Variants in TNFRSF10D observed in about 807,000 individuals in gnomAD.
The protein encoded by TNFRSF10D is TNF receptor superfamily member 10d.
Under a neutral mutation model 42.1 loss-of-function variants are expected in TNFRSF10D, and 28 were observed. The ratio of observed to expected loss-of-function variants is 0.66; its 90% confidence interval spans 0.49 to 0.91. The LOEUF is 0.91. Among genes scored for constraint, TNFRSF10D ranks in the 40% least tolerant of loss-of-function variants. TNFRSF10D has a pLI of 0.00. For missense variants in TNFRSF10D, 503 were observed against 486.1 expected, an observed-to-expected ratio of 1.03 and a Z score of -0.33; for synonymous variants, 186 against 189.4, an observed-to-expected ratio of 0.98 and a Z score of 0.15.
chr8:23,138,185 T>C lies in TNFRSF10D; in HGVS notation c.1027+3A>G. The C allele has an allele frequency of 6.2e-7, 1 of 1,614,176 alleles. No individual in the cohort carries two copies. The highest frequency in any genetic ancestry group is 8.5e-7 in the Non-Finnish European group (1 of 1,180,030). On this transcript the variant is annotated splice_donor_region_variant and intron_variant, in intron 8 of 8. Transcript: ENST00000312584. ...GCTGCGTCTCAAGGCACAAAACACT[T>C]ACTGTCAGCGGAGTCAGCGTCATTC...
At chr8:23,141,828 G>A (rs992605238) in intron 7 of TNFRSF10D, among the ~76,000 whole-genome samples, 6 of 152,170 alleles carry the variant, frequency 3.9e-5, no homozygotes, top group African/African-American at 9.7e-5. Flanking sequence ...AAATGCTGGC[G>A]AGACTATGAA....
chr8:23,161,220 C>A (rs112441185), intron 1 of TNFRSF10D, among the ~76,000 whole-genome samples: 793 of 152,042 alleles, frequency 5.2e-3, no homozygotes, highest in African/African-American at 0.016. Flanking sequence ...GCTGGGGCCA[C>A]ACCAGTGTCA....
rs1346851973 is a variant in TNFRSF10D at position 23,140,135 on chromosome 8, A to G, written c.955-1875T>C. 4.6e-5 allele frequency among the ~76,000 whole-genome samples: 7 copies of G among 152,156 alleles called. No individual in the cohort carries two copies. In the South Asian group the frequency reaches 6.2e-4, roughly 14 times the overall value. ...AAACCCCACCTCTACTAAAAATACA[A>G]AAAACTAACCAGGCGTGGCAGTGTG... is the stretch of plus-strand genomic sequence containing the variant. On this transcript the variant is annotated intron_variant, in intron 7 of 8. Transcript: ENST00000312584.
rs544832931 is a variant in TNFRSF10D, at chr8:23,154,184, G to A, written c.256+690C>T. 2.0e-5 allele frequency among the ~76,000 whole-genome samples: 3 copies of A among 152,330 alleles called. No homozygotes were observed. The East Asian group carries it at 5.8e-4, about 29-fold the overall frequency. On this transcript the variant is annotated intron_variant, in intron 2 of 8. Coordinates refer to ENST00000312584, the MANE Select transcript of TNFRSF10D (RefSeq NM_003840.5). ...TAAAACTTGATCTCATAGAGGTAGA[G>A]AGTAGAATGGTGATTACCAGCGCTG...
rs774157493 is a variant in TNFRSF10D, at chr8:23,148,487, A to G, written c.321T>C (p.Ile107=). ...GGCAAGAAGGCAAATTGTTGGAAGCAATGGTGTAATCCACACCCTCTGTGC... is the reference window on the plus strand; with the variant it reads ...GGCAAGAAGGCAAATTGTTGGAAGCGATGGTGTAATCCACACCCTCTGTGC... ...NPCTEGVDYT[I]ASNNLPSCLL... Residue 107 remains isoleucine (I), a synonymous_variant, in exon 3 of 9, where the codon ATT becomes ATC. Coordinates refer to ENST00000312584, the MANE Select transcript of TNFRSF10D (RefSeq NM_003840.5). The G allele has an allele frequency of 3.7e-5, 59 of 1,611,062 alleles. 2 individuals are homozygous for G. In the Admixed American group the frequency reaches 9.0e-4, roughly 25 times the overall value.
chr8:23,146,975 C>T lies in TNFRSF10D; in HGVS notation c.468G>A (p.Arg156=). The change falls in exon 4 of 9, where the codon CGG becomes CGA. Residue 156 remains arginine (R), a synonymous_variant. Coordinates refer to ENST00000312584, the MANE Select transcript of TNFRSF10D (RefSeq NM_003840.5). ...FQDKNSPEMC[R]TCRTGCPRGM... ...TGCTGTCTTACCCTGTTCTACACGT[C>T]CGGCACATCTCAGGGGAGTTTTTAT... 1 of 1,614,118 alleles carries T rather than the reference C, an allele frequency of 6.2e-7. No individual in the cohort carries two copies. The highest frequency in any genetic ancestry group is 2.2e-5 in the East Asian group (1 of 44,890).
At chr8:23,154,560 A>AT (rs2128838851) in intron 2 of TNFRSF10D, among the ~76,000 whole-genome samples, 1 of 152,046 alleles carries the variant, frequency 6.6e-6, no homozygotes, top group East Asian at 1.9e-4. Flanking sequence ...CATTTTCATT[A>AT]TTTTTTCCAC....
At chr8:23,146,031 A>T in intron 4 of TNFRSF10D, 110 bp from the exon 5 acceptor site, 1 of 1,481,760 alleles carries the variant, frequency 6.7e-7, no homozygotes, top group Non-Finnish European at 9.3e-7. Context: ...CGTCAGGAGG[A>T]CAGGCTCCTC....
intron 7 of TNFRSF10D, among the ~76,000 whole-genome samples, chr8:23,141,504 C>CA (rs59373667): frequency 0.38 from 51,015 of 133,060 alleles, 9,857 homozygotes; most frequent in East Asian, 0.81. Flanking sequence ...GAGTACATCT[C>CA]AAAAAAAAAA....
intron 1 of TNFRSF10D, among the ~76,000 whole-genome samples, chr8:23,157,759 G>T (rs1180873007): frequency 6.6e-6 from 1 of 152,056 alleles, no homozygotes; most frequent in East Asian, 1.9e-4. Context: ...TAACTACAAG[G>T]GTCCCTTTTG....
chr8:23,148,066 C>CAAAAAAA (rs35108037), intron 3 of TNFRSF10D, among the ~76,000 whole-genome samples: 1 of 49,528 alleles, frequency 2.0e-5, no homozygotes, highest in Admixed American at 2.6e-4. Flanking sequence ...CTCCGTCTCC[C>CAAAAAAA]AAAAAAAAAA....
chr8:23,147,886 C>A (rs1176871351), intron 3 of TNFRSF10D, among the ~76,000 whole-genome samples: 1 of 151,848 alleles, frequency 6.6e-6, no homozygotes, highest in Admixed American at 6.6e-5. Flanking sequence ...CACGGTGAAA[C>A]CCCGTCTCTA....
rs1208060290 is a variant in TNFRSF10D, at chr8:23,135,725, T to G, written c.*2145A>C. ...AACCAACGCCAAAAAACCCCAACAATTTCATGTTGTCAGGAAGCTTATGTT... is the reference window on the plus strand; with the variant it reads ...AACCAACGCCAAAAAACCCCAACAAGTTCATGTTGTCAGGAAGCTTATGTT... On this transcript the variant is annotated 3_prime_UTR_variant, in exon 9 of 9. Coordinates refer to ENST00000312584, the MANE Select transcript of TNFRSF10D (RefSeq NM_003840.5). 3.4e-6 allele frequency: 1 copy of G among 293,050 alleles called. No individual in the cohort carries two copies. The highest frequency in any genetic ancestry group is 6.8e-6 in the Non-Finnish European group (1 of 147,008). 18.2% of individuals were successfully genotyped at this position (293,050 alleles called of 1,614,324 possible). A position where few individuals can be genotyped will look rare whatever the true frequency, so the allele number is the denominator to read the frequency against.
At chr8:23,147,178 G>A in intron 3 of TNFRSF10D, 106 bp from the exon 4 acceptor site, 2 of 909,658 alleles carry the variant, frequency 2.2e-6, no homozygotes, top group Non-Finnish European at 3.5e-6. Flanking sequence ...GTTCACCAAG[G>A]AGTTCTGAGG....
At chr8:23,149,621 T>C (rs959495248) in intron 2 of TNFRSF10D, among the ~76,000 whole-genome samples, 1 of 151,988 alleles carries the variant, frequency 6.6e-6, no homozygotes, top group African/African-American at 2.4e-5. Flanking sequence ...CTGCCCATGC[T>C]GGTCCACCTG....
In TNFRSF10D at chr8:23,138,031, TCAA is replaced by T. The variant is rs776482813; in HGVS notation, c.1028-31_1028-29del. ...GAGAAGAGAGAAGAGATTTAGGGTCTCAATGCTCCAAGGACGATCAGCACAGGA... is the reference window on the plus strand; with the variant it reads ...GAGAAGAGAGAAGAGATTTAGGGTCTTGCTCCAAGGACGATCAGCACAGGA... On this transcript the variant is annotated intron_variant, in intron 8 of 8. Transcript: ENST00000312584. The T allele has an allele frequency of 1.5e-3, 2,378 of 1,612,224 alleles. No individual in the cohort carries two copies. The African/African-American group carries it at 0.018, about 12-fold the overall frequency.
intron 1 of TNFRSF10D, among the ~76,000 whole-genome samples, chr8:23,156,405 T>A (rs1800280495): frequency 6.6e-6 from 1 of 152,210 alleles, no homozygotes; most frequent in Non-Finnish European, 1.5e-5. Flanking sequence ...CATGAAAGCC[T>A]GCCTAGTAGT....
At position 23,153,998 on chromosome 8, in the gene TNFRSF10D, G is replaced by C. The variant is rs74481594; in HGVS notation, c.256+876C>G. On this transcript the variant is annotated intron_variant, in intron 2 of 8. Transcript: ENST00000312584. Reference sequence around the variant, plus strand: ...TGTCCATCGATGATGAAAAGGTAAAGAAAATGTAGTACATAGACACAATGG... The same window carrying C: ...TGTCCATCGATGATGAAAAGGTAAACAAAATGTAGTACATAGACACAATGG... Among the ~76,000 whole-genome samples, 1,176 of 152,302 alleles carry C rather than the reference G, an allele frequency of 7.7e-3. 5 individuals are homozygous for C. The highest frequency in any genetic ancestry group is 0.011 in the Non-Finnish European group (743 of 68,022).
intron 2 of TNFRSF10D, among the ~76,000 whole-genome samples, chr8:23,152,946 A>G (rs1800229003): frequency 6.6e-6 from 1 of 152,234 alleles, no homozygotes; most frequent in Non-Finnish European, 1.5e-5. Context: ...AAGAACAATG[A>G]TGGAGGCATC....
Sources: allele counts gnomAD v4.1 joint callset (sites outside exome capture counted in the v4.1 genomes callset), GRCh38; gene constraint gnomAD v4.1.1; transcripts MANE v1.5; gene names NCBI Gene and HGNC (gene_info 2026-07-23, HGNC 2026-07-21).